Variants in PPME1 observed in about 807,000 individuals in gnomAD.
PPME1 encodes the protein testicular secretory protein Li 39.
Under a neutral mutation model 56.9 loss-of-function variants are expected in PPME1, and 17 were observed. The observed-to-expected ratio is 0.30, with a 90% CI of 0.20 to 0.45. PPME1 has a LOEUF of 0.45. Ranked by LOEUF, PPME1 falls within the 20% of genes least tolerant of loss-of-function variation. The pLI is 1.00. For missense variants in PPME1, 357 were observed against 483.2 expected (o/e 0.74, Z 2.45); for synonymous variants, 122 against 156.2 (o/e 0.78, Z 1.63).
At chr11:74,247,148 C>G (rs776462195) in intron 11 of PPME1, 25 bp downstream of exon 11, 3 of 1,593,006 alleles carry the variant, frequency 1.9e-6, no homozygotes, top group Non-Finnish European at 1.7e-6. Context: ...AATTATACCC[C>G]TGGACCCTTT....
intron 1 of PPME1, among the ~76,000 whole-genome samples, chr11:74,192,790 C>T (rs934103200): frequency 2.6e-4 from 40 of 152,180 alleles, no homozygotes; most frequent in African/African-American, 9.7e-4. Context: ...GATGCTCCCA[C>T]TTCACCTTCC....
chr11:74,215,787 T>C (rs753025521), intron 3 of PPME1, among the ~76,000 whole-genome samples: 3 of 152,122 alleles, frequency 2.0e-5, no homozygotes, highest in Non-Finnish European at 2.9e-5. Flanking sequence ...AAGACACATA[T>C]AGACTGAAAA....
rs35588694 is a variant in PPME1, at chr11:74,228,209, G to T, written c.399-2036G>T. ...ATATTGTTTTAGATTAATTAATTGAGCATATAATTTTTTCTGGTCTGTTAT... is the reference window on the plus strand; with the variant it reads ...ATATTGTTTTAGATTAATTAATTGATCATATAATTTTTTCTGGTCTGTTAT... On this transcript the variant is annotated intron_variant, in intron 5 of 13. Coordinates refer to ENST00000328257, the MANE Select transcript of PPME1 (RefSeq NM_016147.3). 4.7e-4 allele frequency among the ~76,000 whole-genome samples: 71 copies of T among 150,136 alleles called. 1 individual carries two copies. Among genetic ancestry groups the T allele is most frequent in the Non-Finnish European group, 8.4e-4 (57 of 67,676 alleles).
chr11:74,243,794 T>G (rs536304132), intron 9 of PPME1, among the ~76,000 whole-genome samples: 1 of 151,292 alleles, frequency 6.6e-6, no homozygotes, highest in South Asian at 2.1e-4. Flanking sequence ...TTTTTTTTTT[T>G]TTTACTGTGA....
intron 7 of PPME1, chr11:74,235,636 G>A (rs1404968994): frequency 2.5e-6 from 1 of 405,412 alleles, no homozygotes; most frequent in Non-Finnish European, 4.5e-6. Flanking sequence ...ACCGAATTAT[G>A]TGCTTTTTGA....
chr11:74,249,402 C>T (rs891883047), intron 11 of PPME1: 12 of 152,218 alleles, frequency 7.9e-5, no homozygotes, highest in African/African-American at 2.9e-4. Context: ...AATATTCCCA[C>T]CTCATAGAAT....
intron 3 of PPME1, among the ~76,000 whole-genome samples, chr11:74,218,955 G>A (rs539633097): frequency 1.3e-5 from 2 of 152,166 alleles, no homozygotes; most frequent in African/African-American, 4.8e-5. Context: ...ACAACCCACA[G>A]AATGGGAGAA....
intron 9 of PPME1, among the ~76,000 whole-genome samples, chr11:74,240,186 T>C (rs915794019): frequency 2.6e-5 from 4 of 152,184 alleles, no homozygotes; most frequent in African/African-American, 7.2e-5. Flanking sequence ...TAGCACTTTT[T>C]TTTTGAAGTT....
At chr11:74,180,389 A>T (rs573733676) in intron 1 of PPME1, among the ~76,000 whole-genome samples, 1 of 152,236 alleles carries the variant, frequency 6.6e-6, no homozygotes, top group South Asian at 2.1e-4. Context: ...TGAACGAGAA[A>T]CCCAAATCCT....
intron 9 of PPME1, 120 bp from the exon 10 acceptor site, chr11:74,245,956 T>C: frequency 8.8e-7 from 1 of 1,135,350 alleles, no homozygotes; most frequent in Non-Finnish European, 1.2e-6. Flanking sequence ...TGTCTAGGAC[T>C]TAGTAGGTCC....
chr11:74,232,975 G>A (rs1317923342), intron 7 of PPME1, among the ~76,000 whole-genome samples: 1 of 150,482 alleles, frequency 6.6e-6, no homozygotes, highest in African/African-American at 2.5e-5. Flanking sequence ...CAGAGTCATG[G>A]GATAAATGGG....
chr11:74,203,228 G>T (rs867391406), intron 1 of PPME1, among the ~76,000 whole-genome samples: 1 of 152,100 alleles, frequency 6.6e-6, no homozygotes, highest in Non-Finnish European at 1.5e-5. Context: ...TTCCATGGAG[G>T]TTGTATATTG....
chr11:74,227,849 G>A (rs767364513), intron 5 of PPME1, among the ~76,000 whole-genome samples: 26 of 151,950 alleles, frequency 1.7e-4, no homozygotes, highest in Non-Finnish European at 2.9e-4. Flanking sequence ...GTGATTGATC[G>A]TAACTACCTT....
intron 1 of PPME1, among the ~76,000 whole-genome samples, chr11:74,202,651 A>C (rs1390962880): frequency 6.6e-6 from 1 of 152,192 alleles, no homozygotes; most frequent in East Asian, 1.9e-4. Flanking sequence ...AAATTGGGAC[A>C]GCTTGGAATT....
chr11:74,217,052 A>T (rs1369046237), intron 3 of PPME1, among the ~76,000 whole-genome samples: 1 of 152,216 alleles, frequency 6.6e-6, no homozygotes, highest in African/African-American at 2.4e-5. Flanking sequence ...AAAAAGAAAT[A>T]ACACCAGTCC....
intron 1 of PPME1, among the ~76,000 whole-genome samples, chr11:74,199,811 G>A (rs1403441195): frequency 6.6e-6 from 1 of 152,184 alleles, no homozygotes; most frequent in African/African-American, 2.4e-5. Context: ...GTCTTACATG[G>A]TGGCAGACAA....
intron 1 of PPME1, among the ~76,000 whole-genome samples, chr11:74,181,252 G>T (rs951000653): frequency 1.3e-5 from 2 of 150,472 alleles, no homozygotes; most frequent in African/African-American, 2.5e-5. Flanking sequence ...GTTTCACCTT[G>T]TTAGCCAGGA....
intron 1 of PPME1, among the ~76,000 whole-genome samples, chr11:74,197,765 T>C (rs903876409): frequency 2.6e-5 from 4 of 152,210 alleles, no homozygotes; most frequent in Non-Finnish European, 5.9e-5. Flanking sequence ...AATTATAGGC[T>C]AAGGGTTCTT....
intron 9 of PPME1, among the ~76,000 whole-genome samples, chr11:74,240,028 C>T (rs147424493): frequency 7.5e-5 from 11 of 146,656 alleles, no homozygotes; most frequent in African/African-American, 2.8e-4. Flanking sequence ...CCTTGGCTCA[C>T]GTGATCATCC....
Sources: gnomAD v4.1 joint callset for allele counts (sites outside exome capture counted in the v4.1 genomes callset) on GRCh38, gnomAD v4.1.1 for gene constraint, MANE v1.5 for transcripts, NCBI Gene and HGNC (gene_info 2026-07-23, HGNC 2026-07-21) for gene names.